The following GMDS variants were observed in gnomAD, a reference collection of about 807,000 sequenced individuals.
The protein encoded by GMDS is GDP-mannose 4,6-dehydratase, also known as GDP-mannose 4,6 dehydratase.
Under a neutral mutation model 49.9 loss-of-function variants are expected in GMDS, and 20 were observed. The ratio of observed to expected loss-of-function variants is 0.40; its 90% CI spans 0.28 to 0.58. GMDS has a LOEUF of 0.58. GMDS is among the 20% of genes least tolerant of loss of function. GMDS has a pLI of 0.42. For missense variants in GMDS, 362 were observed against 481.4 expected, an observed-to-expected ratio of 0.75 and a Z score of 2.32; for synonymous variants, 177 against 178.6, an observed-to-expected ratio of 0.99 and a Z score of 0.07.
chr6:2,163,566 G>A (rs767420390), intron 1 of GMDS, among the ~76,000 whole-genome samples: 12 of 152,166 alleles, frequency 7.9e-5, no homozygotes, highest in Non-Finnish European at 2.9e-5. Flanking sequence ...CATGAAAGCT[G>A]ACAGGTTCAA....
chr6:2,000,029 CTATATCT>C lies in GMDS; in HGVS notation c.346-39070_346-39064del, dbSNP rs1561962271. Reference sequence around the variant, plus strand: ...ATATATTTTTTATATATATATATATCTATATCTTTTTTTTTTTTTTTTTGAGATGGAG... The same window carrying C: ...ATATATTTTTTATATATATATATATCTTTTTTTTTTTTTTTTGAGATGGAG... On this transcript the variant is annotated intron_variant, in intron 4 of 10. Transcript: ENST00000380815. Among the ~76,000 whole-genome samples the C allele has an allele frequency of 9.9e-4, 8 of 8,050 alleles. 1 individual carries two copies. Among genetic ancestry groups the C allele is most frequent in the African/African-American group, 1.3e-3 (5 of 3,744 alleles). The allele number at this position is 8,050 out of a possible 152,430, so 5.3% of individuals were successfully genotyped here.
chr6:2,167,175 G>A (rs1054579400), intron 1 of GMDS, among the ~76,000 whole-genome samples: 21 of 151,696 alleles, frequency 1.4e-4, no homozygotes, highest in Admixed American at 1.2e-3. Flanking sequence ...TAAACTTTTC[G>A]TAGCATTTCA....
At chr6:1,860,785 G>C (rs1399548849) in intron 7 of GMDS, among the ~76,000 whole-genome samples, 1 of 152,164 alleles carries the variant, frequency 6.6e-6, no homozygotes, top group Non-Finnish European at 1.5e-5. Flanking sequence ...CAAAATCCAA[G>C]GGTACTTTAA....
intron 7 of GMDS, among the ~76,000 whole-genome samples, chr6:1,822,280 T>C (rs1323516751): frequency 6.6e-6 from 1 of 152,170 alleles, no homozygotes; most frequent in Non-Finnish European, 1.5e-5. Context: ...TTCAAAACCA[T>C]AGCTATATTT....
intron 9 of GMDS, among the ~76,000 whole-genome samples, chr6:1,681,712 C>T (rs148858629): frequency 1.4e-4 from 22 of 152,352 alleles, no homozygotes; most frequent in African/African-American, 5.3e-4. Context: ...AAACACCACT[C>T]AGTGTGTCTG....
Position 2,020,345 on chromosome 6 carries a change from A to G in GMDS, c.346-59379T>C, listed in dbSNP as rs183676127. Among the ~76,000 whole-genome samples, 372 of 151,994 alleles carry G rather than the reference A, an allele frequency of 2.4e-3. 1 individual carries two copies. Among genetic ancestry groups the G allele is most frequent in the African/African-American group, 8.7e-3 (361 of 41,548 alleles). ...TAAATTAAATAAATTAAAAAATAAA[A>G]ACAATGTACATATCAGTTATGAGAG... On this transcript the variant is annotated intron_variant, in intron 4 of 10. Coordinates refer to ENST00000380815, the MANE Select transcript of GMDS (RefSeq NM_001500.4).
intron 1 of GMDS, among the ~76,000 whole-genome samples, chr6:2,184,682 T>A (rs771362721): frequency 4.6e-5 from 7 of 152,238 alleles, no homozygotes; most frequent in Non-Finnish European, 8.8e-5. Flanking sequence ...ATAAAACTTT[T>A]GTAAAAATTC....
intron 9 of GMDS, among the ~76,000 whole-genome samples, chr6:1,692,098 T>A (rs772381893): frequency 2.0e-5 from 3 of 152,198 alleles, no homozygotes; most frequent in Non-Finnish European, 4.4e-5. Flanking sequence ...GCCTCCATCT[T>A]CCTCCCATGC....
At chr6:2,233,825 G>A (rs1166946618) in intron 1 of GMDS, among the ~76,000 whole-genome samples, 2 of 152,046 alleles carry the variant, frequency 1.3e-5, no homozygotes, top group East Asian at 1.9e-4. Context: ...ACTCCATCTC[G>A]AAAAACAAAA....
chr6:2,195,273 A>G (rs1240871056), intron 1 of GMDS, among the ~76,000 whole-genome samples: 1 of 152,164 alleles, frequency 6.6e-6, no homozygotes, highest in Non-Finnish European at 1.5e-5. Flanking sequence ...AAAGACCTAG[A>G]CAAATAGGAA....
intron 7 of GMDS, among the ~76,000 whole-genome samples, chr6:1,878,367 A>C (rs933620770): frequency 1.3e-5 from 2 of 152,072 alleles, no homozygotes; most frequent in African/African-American, 4.8e-5. Context: ...TCGATGTGAA[A>C]ATATTCCCCA....
intron 1 of GMDS, among the ~76,000 whole-genome samples, chr6:2,202,416 C>A (rs1410827053): frequency 6.8e-6 from 1 of 146,656 alleles, no homozygotes; most frequent in African/African-American, 2.5e-5. Flanking sequence ...TCGAGTAAGA[C>A]TGCTGCCAAT....
In GMDS at chr6:1,877,688, T is replaced by C. The variant is rs567454776; in HGVS notation, c.771+52415A>G. On this transcript the variant is annotated intron_variant, in intron 7 of 10. Transcript: ENST00000380815. Reference sequence around the variant, plus strand: ...AAAAAGACAGGTCCAATACAGGTTATTTGTAATACACTGAAGAGACATTTA... The same window carrying C: ...AAAAAGACAGGTCCAATACAGGTTACTTGTAATACACTGAAGAGACATTTA... Among the ~76,000 whole-genome samples, 9 of 149,838 alleles carry C rather than the reference T, an allele frequency of 6.0e-5. No individual in the cohort carries two copies. In the South Asian group the frequency reaches 1.9e-3, roughly 32 times the overall value.
chr6:1,695,907 G>GTT (rs11366742), intron 9 of GMDS, among the ~76,000 whole-genome samples: 4 of 124,412 alleles, frequency 3.2e-5, no homozygotes, highest in Non-Finnish European at 6.6e-5. Context: ...TTCTGTCTTG[G>GTT]TTTTTTTTTT....
intron 1 of GMDS, among the ~76,000 whole-genome samples, chr6:2,178,318 G>A (rs1778375523): frequency 6.6e-6 from 1 of 152,142 alleles, no homozygotes; most frequent in Admixed American, 6.5e-5. Context: ...TGGCTTCTGG[G>A]GAGGCCTCAG....
At chr6:1,907,318 G>A (rs146596057) in intron 7 of GMDS, among the ~76,000 whole-genome samples, 176 of 152,202 alleles carry the variant, frequency 1.2e-3, no homozygotes, top group African/African-American at 3.4e-3. Flanking sequence ...AGCACCCCAC[G>A]GTCCCATGTA....
chr6:2,068,167 C>T (rs1384222057), intron 4 of GMDS, among the ~76,000 whole-genome samples: 1 of 151,908 alleles, frequency 6.6e-6, no homozygotes, highest in East Asian at 1.9e-4. Flanking sequence ...ACAAAAACCA[C>T]ATGATTATCT....
At chr6:1,853,327 G>A (rs1238317564) in intron 7 of GMDS, among the ~76,000 whole-genome samples, 1 of 151,096 alleles carries the variant, frequency 6.6e-6, no homozygotes, top group Non-Finnish European at 1.5e-5. Flanking sequence ...GACCATCCTG[G>A]CTAAAACGGT....
chr6:1,654,442 A>T (rs1311785117), intron 9 of GMDS, among the ~76,000 whole-genome samples: 1 of 152,246 alleles, frequency 6.6e-6, no homozygotes, highest in African/African-American at 2.4e-5. Flanking sequence ...GAGGAAGACA[A>T]TTTTGACACC....
Sources: gnomAD v4.1 joint callset for allele counts (sites outside exome capture counted in the v4.1 genomes callset) on GRCh38, gnomAD v4.1.1 for gene constraint, MANE v1.5 for transcripts, NCBI Gene and HGNC (gene_info 2026-07-23, HGNC 2026-07-21) for gene names.